The following ZC3H12B variants were observed in gnomAD, a reference collection of about 807,000 sequenced individuals.
ZC3H12B encodes the protein zinc finger CCCH-type containing 12B, also known as probable ribonuclease ZC3H12B.
A neutral mutation model predicts 43.9 loss-of-function variants in ZC3H12B; 7 were observed. The observed-to-expected ratio is 0.16, with a 90% CI of 0.09 to 0.30. The LOEUF (loss-of-function observed/expected upper bound fraction) is 0.30, where lower values mean the gene tolerates loss of function less well. ZC3H12B is among the 10% of genes least tolerant of loss of function. ZC3H12B has a pLI of 1.00. For missense variants in ZC3H12B, 475 were observed against 670.2 expected, an observed-to-expected ratio of 0.71 and a Z score of 3.22; for synonymous variants, 222 against 241.7, an observed-to-expected ratio of 0.92 and a Z score of 0.76.
the ZC3H12B span, among the ~76,000 whole-genome samples, chrX:65,321,967 T>C: frequency 2.7e-5 from 3 of 111,217 alleles, no homozygotes; most frequent in African/African-American, 9.8e-5. Context: ...GGTGATTAGA[T>C]AATCTATACA....
chrX:65,168,781 G>A, the ZC3H12B span, among the ~76,000 whole-genome samples: 2 of 111,507 alleles, frequency 1.8e-5, no homozygotes, highest in African/African-American at 6.5e-5. Context: ...GGGTGTGTGT[G>A]TCCAGGAATT....
intron 4 of ZC3H12B, among the ~76,000 whole-genome samples, chrX:65,500,718 C>T (rs2068353805): frequency 6.4e-5 from 7 of 110,014 alleles, no homozygotes; most frequent in Admixed American, 2.9e-4. Flanking sequence ...CATGAGCCAC[C>T]GTGCCCGGCC....
At chrX:65,045,090 G>A in the ZC3H12B span, among the ~76,000 whole-genome samples, 1 of 111,538 alleles carries the variant, frequency 9.0e-6, no homozygotes, top group Non-Finnish European at 1.9e-5. Flanking sequence ...AAAATGCCAA[G>A]AATCACTTGA....
chrX:65,236,971 T>G, the ZC3H12B span, among the ~76,000 whole-genome samples: 2 of 111,633 alleles, frequency 1.8e-5, no homozygotes, highest in Non-Finnish European at 3.8e-5. Context: ...AGTTTGATTT[T>G]GGGTAGCATG....
At chrX:65,328,198 C>A in the ZC3H12B span, 3 of 232,188 alleles carry the variant, frequency 1.3e-5, no homozygotes, top group Non-Finnish European at 2.6e-5. Context: ...ACACTTGGAA[C>A]ATGGCTGCAT....
intron 3 of ZC3H12B, among the ~76,000 whole-genome samples, chrX:65,443,683 C>G (rs2067335734): frequency 8.9e-6 from 1 of 112,561 alleles, no homozygotes; most frequent in Non-Finnish European, 1.9e-5. Context: ...AAGCGGTTTT[C>G]CAGCCTGGGC....
chrX:65,119,455 G>T, the ZC3H12B span, among the ~76,000 whole-genome samples: 2 of 112,070 alleles, frequency 1.8e-5, no homozygotes, highest in African/African-American at 6.5e-5. Flanking sequence ...CTTCTTTTGA[G>T]AAGTGTCCGT....
At chrX:65,454,319 A>C (rs1299002295) in intron 3 of ZC3H12B, among the ~76,000 whole-genome samples, 1 of 112,479 alleles carries the variant, frequency 8.9e-6, no homozygotes, top group African/African-American at 3.2e-5. Flanking sequence ...CAAAGAGCAC[A>C]CCAGGAGATT....
chrX:65,117,774 A>G, the ZC3H12B span, among the ~76,000 whole-genome samples: 1 of 111,906 alleles, frequency 8.9e-6, no homozygotes, highest in Non-Finnish European at 1.9e-5. Flanking sequence ...TCAGCTTTCT[A>G]CATATGGCTA....
At chrX:65,239,976 G>A in the ZC3H12B span, among the ~76,000 whole-genome samples, 2 of 111,337 alleles carry the variant, frequency 1.8e-5, no homozygotes, top group Non-Finnish European at 3.8e-5. Context: ...CTTTGCAGGT[G>A]ACCTGGCATT....
chrX:65,099,763 A>T, the ZC3H12B span, among the ~76,000 whole-genome samples: 5 of 111,833 alleles, frequency 4.5e-5, no homozygotes, highest in African/African-American at 1.6e-4. Flanking sequence ...AGATAAATCC[A>T]TGAAGATGAG....
the ZC3H12B span, among the ~76,000 whole-genome samples, chrX:65,071,903 C>A: frequency 9.0e-6 from 1 of 111,284 alleles, no homozygotes. Flanking sequence ...TCATTTTGAC[C>A]TTGGAGAATC....
At chrX:65,211,016 C>A in the ZC3H12B span, among the ~76,000 whole-genome samples, 1 of 54,293 alleles carries the variant, frequency 1.8e-5, no homozygotes, top group Admixed American at 2.8e-4. Context: ...CACATGTATA[C>A]ATATGTAACT....
the ZC3H12B span, among the ~76,000 whole-genome samples, chrX:65,331,620 G>A: frequency 3.7e-5 from 4 of 109,233 alleles, no homozygotes; most frequent in Admixed American, 3.9e-4. Flanking sequence ...AAGTTTATTA[G>A]GAAAGTAAAG....
the ZC3H12B span, among the ~76,000 whole-genome samples, chrX:65,243,205 AAT>A: frequency 8.9e-6 from 1 of 112,216 alleles, no homozygotes; most frequent in South Asian, 3.7e-4. Flanking sequence ...AATTGGAGAA[AAT>A]ATATGCACAC....
At chrX:65,148,829 G>A in the ZC3H12B span, among the ~76,000 whole-genome samples, 14 of 111,732 alleles carry the variant, frequency 1.3e-4, no homozygotes, top group African/African-American at 4.2e-4. Context: ...TGTATGTATA[G>A]TTACTCAAAT....
the ZC3H12B span, among the ~76,000 whole-genome samples, chrX:65,352,396 C>T: frequency 9.1e-6 from 1 of 109,871 alleles, no homozygotes; most frequent in Non-Finnish European, 1.9e-5. Flanking sequence ...AGCAAACCAC[C>T]ATGGCATGTG....
At chrX:65,293,081 C>A in the ZC3H12B span, among the ~76,000 whole-genome samples, 2 of 111,866 alleles carry the variant, frequency 1.8e-5, no homozygotes, top group African/African-American at 6.5e-5. Context: ...AAGAAGAATT[C>A]TCAAGAGAAA....
the ZC3H12B span, among the ~76,000 whole-genome samples, chrX:65,233,876 C>CA: frequency 1.8e-5 from 2 of 110,931 alleles, no homozygotes; most frequent in African/African-American, 3.3e-5. Flanking sequence ...AAACGAGAGA[C>CA]AAAAAAAGAG....
Sources: gnomAD v4.1 joint callset for allele counts (sites outside exome capture counted in the v4.1 genomes callset) on GRCh38, gnomAD v4.1.1 for gene constraint, MANE v1.5 for transcripts, NCBI Gene and HGNC (gene_info 2026-07-23, HGNC 2026-07-21) for gene names.